The following GMDS variants were observed in gnomAD, a reference collection of about 807,000 sequenced individuals.
GMDS encodes the protein GDP-mannose 4,6 dehydratase.
In GMDS, 20 loss-of-function variants were observed where a neutral mutation model predicts 49.9. The ratio of observed to expected loss-of-function variants is 0.40; its 90% CI spans 0.28 to 0.58. The LOEUF (loss-of-function observed/expected upper bound fraction) is 0.58. GMDS is among the 20% of genes least tolerant of loss of function. GMDS has a pLI of 0.42. For missense variants in GMDS, 362 were observed against 481.4 expected (o/e 0.75, Z 2.32); for synonymous variants, 177 against 178.6 (o/e 0.99, Z 0.07).
chr6:2,105,009 C>T (rs999249335), intron 4 of GMDS, among the ~76,000 whole-genome samples: 6 of 151,516 alleles, frequency 4.0e-5, no homozygotes, highest in African/African-American at 1.5e-4. Context: ...GGTGAAACCC[C>T]GTCTCTACCA....
At chr6:1,751,955 C>T (rs185939458) in intron 7 of GMDS, among the ~76,000 whole-genome samples, 15 of 152,262 alleles carry the variant, frequency 9.9e-5, no homozygotes, top group Non-Finnish European at 1.3e-4. Context: ...CTGAAAATTC[C>T]AAAAACCAGA....
intron 7 of GMDS, among the ~76,000 whole-genome samples, chr6:1,887,053 A>G (rs374803413): frequency 1.3e-5 from 2 of 152,210 alleles, no homozygotes; most frequent in East Asian, 3.8e-4. Flanking sequence ...CATTTCACAG[A>G]TGAGAAAACA....
chr6:1,823,360 T>A (rs927683798), intron 7 of GMDS, among the ~76,000 whole-genome samples: 2 of 152,198 alleles, frequency 1.3e-5, no homozygotes, highest in Non-Finnish European at 2.9e-5. Flanking sequence ...AAATCTGACC[T>A]CTTTTCTCAA....
intron 7 of GMDS, among the ~76,000 whole-genome samples, chr6:1,908,765 C>T (rs1398564865): frequency 1.3e-5 from 2 of 152,132 alleles, no homozygotes; most frequent in Non-Finnish European, 2.9e-5. Flanking sequence ...GACAGCTGGA[C>T]ATGTATTGGA....
At chr6:1,993,436 CAT>C (rs771771720) in intron 4 of GMDS, among the ~76,000 whole-genome samples, 1 of 152,212 alleles carries the variant, frequency 6.6e-6, no homozygotes, top group Non-Finnish European at 1.5e-5. Flanking sequence ...GATTATTCCA[CAT>C]GTGTATGGAC....
At chr6:1,674,277 G>A (rs573742190) in intron 9 of GMDS, among the ~76,000 whole-genome samples, 14 of 152,054 alleles carry the variant, frequency 9.2e-5, no homozygotes, top group Non-Finnish European at 1.6e-4. Context: ...GACGTATGAC[G>A]CTGAGCATAT....
intron 4 of GMDS, among the ~76,000 whole-genome samples, chr6:2,098,350 G>A (rs1209064355): frequency 3.3e-5 from 5 of 152,234 alleles, no homozygotes; most frequent in African/African-American, 1.2e-4. Context: ...AAGCCACCGC[G>A]CCCAGCCACA....
At chr6:1,733,913 G>C (rs1766917264) in intron 8 of GMDS, among the ~76,000 whole-genome samples, 1 of 152,056 alleles carries the variant, frequency 6.6e-6, no homozygotes, top group Non-Finnish European at 1.5e-5. Context: ...TGAGCCTCTT[G>C]AGCAGGCAGA....
chr6:1,736,099 G>A (rs1766993632), intron 8 of GMDS, among the ~76,000 whole-genome samples: 1 of 152,152 alleles, frequency 6.6e-6, no homozygotes, highest in Non-Finnish European at 1.5e-5. Flanking sequence ...TGCATCAACT[G>A]CCTATGAAAT....
intron 1 of GMDS, among the ~76,000 whole-genome samples, chr6:2,157,552 T>C (rs142657360): frequency 2.3e-4 from 35 of 152,310 alleles, no homozygotes; most frequent in Admixed American, 4.6e-4. Context: ...CATCCAGATG[T>C]TGCCTTAACC....
At chr6:1,649,289 A>G (rs1487924116) in intron 9 of GMDS, among the ~76,000 whole-genome samples, 1 of 151,990 alleles carries the variant, frequency 6.6e-6, no homozygotes, top group Non-Finnish European at 1.5e-5. Context: ...ATTCACCTCA[A>G]CCCGTGTTTC....
chr6:2,048,060 A>C (rs1457954872), intron 4 of GMDS, among the ~76,000 whole-genome samples: 1 of 152,206 alleles, frequency 6.6e-6, no homozygotes, highest in Non-Finnish European at 1.5e-5. Flanking sequence ...GCGTTCAAGA[A>C]GTCAACAGCC....
At chr6:1,797,459 C>T (rs1178400324) in intron 7 of GMDS, among the ~76,000 whole-genome samples, 1 of 152,154 alleles carries the variant, frequency 6.6e-6, no homozygotes, top group Non-Finnish European at 1.5e-5. Context: ...AAACTGAAAG[C>T]TCCTCTCAAG....
At chr6:1,931,818 A>G (rs1023699453) in intron 6 of GMDS, among the ~76,000 whole-genome samples, 7 of 152,308 alleles carry the variant, frequency 4.6e-5, no homozygotes, top group Middle Eastern at 6.8e-3. Context: ...TGGGAGTCCA[A>G]TGGAAGTATT....
At chr6:1,865,745 G>T (rs367750191) in intron 7 of GMDS, among the ~76,000 whole-genome samples, 1 of 152,128 alleles carries the variant, frequency 6.6e-6, no homozygotes, top group Admixed American at 6.5e-5. Context: ...CCAGCGAAGC[G>T]GTCTGCAGAG....
At chr6:1,718,183 T>C (rs1766239176) in intron 9 of GMDS, among the ~76,000 whole-genome samples, 1 of 152,146 alleles carries the variant, frequency 6.6e-6, no homozygotes, top group Non-Finnish European at 1.5e-5. Context: ...TTTATGTATG[T>C]CAGGATTTCA....
intron 1 of GMDS, among the ~76,000 whole-genome samples, chr6:2,171,060 A>C (rs1777982413): frequency 6.6e-6 from 1 of 152,208 alleles, no homozygotes; most frequent in Non-Finnish European, 1.5e-5. Context: ...CTACCTTTAA[A>C]TATCTGTCAA....
At chr6:2,022,394 C>A (rs189807844) in intron 4 of GMDS, among the ~76,000 whole-genome samples, 136 of 152,258 alleles carry the variant, frequency 8.9e-4, no homozygotes, top group African/African-American at 3.1e-3. Context: ...AATTTTGTGG[C>A]ACTTTTCTGG....
At chr6:1,707,003 C>T (rs1403532524) in intron 9 of GMDS, among the ~76,000 whole-genome samples, 1 of 152,188 alleles carries the variant, frequency 6.6e-6, no homozygotes, top group Admixed American at 6.5e-5. Flanking sequence ...CATACTGGTT[C>T]CTAACTTATA....
Sources: allele counts gnomAD v4.1 joint callset (sites outside exome capture counted in the v4.1 genomes callset), GRCh38; gene constraint gnomAD v4.1.1; transcripts MANE v1.5; gene names NCBI Gene and HGNC (gene_info 2026-07-23, HGNC 2026-07-21).